The following ZNRF3 variants were observed in gnomAD, a reference collection of about 807,000 sequenced individuals.
ZNRF3 encodes zinc and ring finger 3, also known as E3 ubiquitin-protein ligase ZNRF3.
A neutral mutation model predicts 72.5 loss-of-function variants in ZNRF3; 23 were observed. The observed-to-expected ratio is 0.32, with a 90% CI of 0.23 to 0.45. The LOEUF is 0.45. ZNRF3 is among the 20% of genes least tolerant of loss of function. ZNRF3 has a pLI of 1.00. For missense variants in ZNRF3, 1,169 were observed against 1,272.1 expected (o/e 0.92, Z 1.23); for synonymous variants, 610 against 545.3 (o/e 1.12, Z -1.65).
At chr22:28,898,631 A>G (rs2034044612) in intron 1 of ZNRF3, among the ~76,000 whole-genome samples, 1 of 152,278 alleles carries the variant, frequency 6.6e-6, no homozygotes, top group Non-Finnish European at 1.5e-5. Context: ...ATGACCCATC[A>G]GAAACAAATG....
At chr22:28,991,226 G>A (rs575775219) in intron 2 of ZNRF3, among the ~76,000 whole-genome samples, 51 of 136,844 alleles carry the variant, frequency 3.7e-4, no homozygotes, top group Middle Eastern at 4.5e-3. Context: ...AGGCTGCAGC[G>A]AGCTGAGATT....
In ZNRF3 at chr22:29,053,712, A is replaced by G. The variant is rs2037251148; in HGVS notation, c.*90A>G. The G allele has an allele frequency of 5.2e-6, 7 of 1,354,240 alleles. No individual in the cohort carries two copies. The highest frequency in any genetic ancestry group is 6.1e-6 in the Non-Finnish European group (6 of 983,764). The allele number at this position is 1,354,240 out of a possible 1,614,324, so 83.9% of individuals were successfully genotyped here. A position where few individuals can be genotyped will look rare whatever the true frequency, so the allele number is the denominator to read the frequency against. On this transcript the variant is annotated 3_prime_UTR_variant, in exon 9 of 9. Coordinates refer to ENST00000544604, the MANE Select transcript of ZNRF3 (RefSeq NM_001206998.2). ...AAAAACAAAAACAAAAAATTTTTTTAGCTTTGACAAACACACAAAAGTGGT... is the reference window on the plus strand; with the variant it reads ...AAAAACAAAAACAAAAAATTTTTTTGGCTTTGACAAACACACAAAAGTGGT...
chr22:28,932,382 C>T (rs560546671), intron 1 of ZNRF3, among the ~76,000 whole-genome samples: 46 of 152,184 alleles, frequency 3.0e-4, no homozygotes, highest in Admixed American at 1.0e-3. Flanking sequence ...ATCAGTGATC[C>T]GCATGAGTGG....
intron 1 of ZNRF3, among the ~76,000 whole-genome samples, chr22:28,974,577 C>T (rs1404242643): frequency 1.3e-5 from 2 of 152,226 alleles, no homozygotes; most frequent in African/African-American, 4.8e-5. Flanking sequence ...ACTATTCTTA[C>T]TCTCCAGTCC....
intron 1 of ZNRF3, among the ~76,000 whole-genome samples, chr22:28,977,664 A>T: frequency 6.6e-6 from 1 of 152,190 alleles, no homozygotes; most frequent in Admixed American, 6.5e-5. Context: ...AATATTACAG[A>T]GTGAAATGTC....
intron 1 of ZNRF3, among the ~76,000 whole-genome samples, chr22:28,902,429 C>G (rs1049217550): frequency 2.0e-5 from 3 of 151,930 alleles, no homozygotes; most frequent in Non-Finnish European, 2.9e-5. Flanking sequence ...GTTGCCCAGG[C>G]AGGAGTGCAG....
intron 1 of ZNRF3, among the ~76,000 whole-genome samples, chr22:28,937,861 T>TA (rs1226895248): frequency 2.0e-5 from 3 of 152,182 alleles, no homozygotes; most frequent in Non-Finnish European, 4.4e-5. Flanking sequence ...CGTTGCTTTT[T>TA]AAAAAAACAA....
At position 29,057,165 on chromosome 22, in the gene ZNRF3, A is replaced by C. The variant is rs113010896; in HGVS notation, c.*3543A>C. 6.6e-6 allele frequency: 1 copy of C among 152,240 alleles called. No individual in the cohort carries two copies. The highest frequency in any genetic ancestry group is 2.1e-4 in the South Asian group (1 of 4,834). 9.4% of individuals were successfully genotyped at this position (152,240 alleles called of 1,614,324 possible). A position where few individuals can be genotyped will look rare whatever the true frequency, so the allele number is the denominator to read the frequency against. On this transcript the variant is annotated 3_prime_UTR_variant, in exon 9 of 9. Transcript: ENST00000544604. ...CTTTTTCCAACATTACCATTTTTAA[A>C]AAATGTTTTAAAAGCTAGAAGACAA...
At chr22:28,955,020 G>A (rs2035229920) in intron 1 of ZNRF3, among the ~76,000 whole-genome samples, 2 of 148,172 alleles carry the variant, frequency 1.3e-5, no homozygotes, top group Admixed American at 1.4e-4. Context: ...GGTGGAAAAT[G>A]GTATTTTTGG....
intron 1 of ZNRF3, among the ~76,000 whole-genome samples, chr22:28,955,045 T>C (rs1050684427): frequency 6.9e-6 from 1 of 145,766 alleles, no homozygotes; most frequent in African/African-American, 2.6e-5. Flanking sequence ...TTTTTTTTTT[T>C]GTTTTTTTTT....
chr22:28,993,436 G>A (rs1050595828), intron 2 of ZNRF3, among the ~76,000 whole-genome samples: 9 of 152,164 alleles, frequency 5.9e-5, no homozygotes, highest in East Asian at 3.8e-4. Flanking sequence ...GATAAGCAGC[G>A]GGGAAACCAA....
chr22:28,973,523 G>A (rs2035612602), intron 1 of ZNRF3, among the ~76,000 whole-genome samples: 1 of 152,082 alleles, frequency 6.6e-6, no homozygotes, highest in South Asian at 2.1e-4. Context: ...CACAGAAGAG[G>A]CAGTACTGGG....
rs1337364147 is a variant in ZNRF3, at chr22:28,970,546, C to T, written c.301-16530C>T. On this transcript the variant is annotated intron_variant, in intron 1 of 8. Coordinates refer to ENST00000544604, the MANE Select transcript of ZNRF3 (RefSeq NM_001206998.2). ...AGAGAAATAAAAACATTTGTCTACGCAAACCTACTCAAATATCCGTGGCAG... is the reference window on the plus strand; with the variant it reads ...AGAGAAATAAAAACATTTGTCTACGTAAACCTACTCAAATATCCGTGGCAG... Among the ~76,000 whole-genome samples, 5 of 152,306 alleles carry T rather than the reference C, an allele frequency of 3.3e-5. No individual in the cohort carries two copies. In the East Asian group the frequency reaches 9.6e-4, roughly 29 times the overall value.
chr22:28,899,497 G>A (rs191928402), intron 1 of ZNRF3, among the ~76,000 whole-genome samples: 20 of 152,228 alleles, frequency 1.3e-4, no homozygotes, highest in African/African-American at 4.8e-4. Context: ...CTGGGGCATT[G>A]GTTGCCATAC....
At chr22:28,914,463 T>C (rs2034373041) in intron 1 of ZNRF3, among the ~76,000 whole-genome samples, 2 of 151,070 alleles carry the variant, frequency 1.3e-5, no homozygotes, top group East Asian at 1.9e-4. Context: ...TCTCCAAATA[T>C]GTGTCATATT....
chr22:28,938,701 AG>A (rs2034886274), intron 1 of ZNRF3, among the ~76,000 whole-genome samples: 1 of 152,180 alleles, frequency 6.6e-6, no homozygotes, highest in Non-Finnish European at 1.5e-5. Context: ...CAGAATATGA[AG>A]GTGAAGGGTA....
chr22:28,967,746 G>A (rs2035497672), intron 1 of ZNRF3, among the ~76,000 whole-genome samples: 1 of 151,740 alleles, frequency 6.6e-6, no homozygotes, highest in Non-Finnish European at 1.5e-5. Context: ...AGACAACATA[G>A]TGAAACCCAT....
At chr22:29,046,186 G>T (rs895824815) in intron 5 of ZNRF3, among the ~76,000 whole-genome samples, 4 of 152,298 alleles carry the variant, frequency 2.6e-5, no homozygotes, top group African/African-American at 7.2e-5. Context: ...GTATGGCAGG[G>T]TCATGTCTCA....
At chr22:28,901,575 C>T (rs937803208) in intron 1 of ZNRF3, among the ~76,000 whole-genome samples, 19 of 150,240 alleles carry the variant, frequency 1.3e-4, no homozygotes, top group Admixed American at 6.6e-5. Context: ...CTTTAGAGAT[C>T]AGCTGACTGG....
Sources: gnomAD v4.1 joint callset for allele counts (sites outside exome capture counted in the v4.1 genomes callset) on GRCh38, gnomAD v4.1.1 for gene constraint, MANE v1.5 for transcripts, NCBI Gene and HGNC (gene_info 2026-07-23, HGNC 2026-07-21) for gene names.